The following CTNND2 variants were observed in gnomAD, a reference collection of about 807,000 sequenced individuals.
CTNND2 encodes catenin delta-2.
In CTNND2, 22 loss-of-function variants were observed where a neutral mutation model predicts 144.4. That is an observed-to-expected ratio of 0.15 (90% CI 0.11 to 0.22). The LOEUF (loss-of-function observed/expected upper bound fraction) is 0.22. Ranked by LOEUF, CTNND2 falls within the 10% of genes least tolerant of loss-of-function variation. The pLI, the probability that CTNND2 is intolerant of heterozygous loss-of-function variation, is 1.00. For synonymous variants in CTNND2, 751 were observed against 695.6 expected, an observed-to-expected ratio of 1.08 and a Z score of -1.25; for missense variants, 1,353 against 1,618.8, an observed-to-expected ratio of 0.84 and a Z score of 2.82.
At chr5:11,522,321 C>G (rs1401182542) in intron 3 of CTNND2, among the ~76,000 whole-genome samples, 4 of 152,142 alleles carry the variant, frequency 2.6e-5, no homozygotes, top group Admixed American at 6.6e-5. Context: ...CAGCCATAGC[C>G]TTGGCTTTGT....
intron 1 of CTNND2, 70 bp from the exon 2 acceptor site, chr5:11,732,342 T>A: frequency 6.8e-7 from 1 of 1,474,720 alleles, no homozygotes. Flanking sequence ...ATCAGACCAC[T>A]TTGAAGATAC....
chr5:11,448,626 A>C (rs1265599495), intron 3 of CTNND2, among the ~76,000 whole-genome samples: 1 of 152,174 alleles, frequency 6.6e-6, no homozygotes, highest in Admixed American at 6.6e-5. Context: ...AATTACTTAT[A>C]TTAAGGTATT....
chr5:11,471,296 G>A (rs890383499), intron 3 of CTNND2, among the ~76,000 whole-genome samples: 6 of 151,856 alleles, frequency 4.0e-5, no homozygotes, highest in African/African-American at 1.2e-4. Flanking sequence ...TAATTTTAAT[G>A]CATTTTCTAT....
At chr5:11,527,148 A>G (rs1279683083) in intron 3 of CTNND2, among the ~76,000 whole-genome samples, 1 of 152,180 alleles carries the variant, frequency 6.6e-6, no homozygotes, top group African/African-American at 2.4e-5. Context: ...GGATAGAGTG[A>G]TGGTTGCACA....
chr5:11,706,002 G>A (rs932948634), intron 2 of CTNND2, among the ~76,000 whole-genome samples: 1 of 152,208 alleles, frequency 6.6e-6, no homozygotes, highest in African/African-American at 2.4e-5. Context: ...AAGGAATTAT[G>A]AGTAACCTTT....
chr5:11,617,278 T>A (rs1192329375), intron 2 of CTNND2, among the ~76,000 whole-genome samples: 2 of 152,196 alleles, frequency 1.3e-5, no homozygotes, highest in Non-Finnish European at 2.9e-5. Flanking sequence ...TCTACTGACA[T>A]CATCTTCATA....
rs58056553 is a variant in CTNND2 at position 11,653,070 on chromosome 5, C to CGTGTGT, written c.174+79060_174+79065dup. 8.2e-3 allele frequency among the ~76,000 whole-genome samples: 1,184 copies of CGTGTGT among 143,558 alleles called. 8 individuals are homozygous for CGTGTGT. Among genetic ancestry groups the CGTGTGT allele is most frequent in the East Asian group, 0.022 (101 of 4,572 alleles). The allele number at this position is 143,558 out of a possible 152,430, so 94.2% of individuals were successfully genotyped here. On this transcript the variant is annotated intron_variant, in intron 2 of 21. Coordinates refer to ENST00000304623, the MANE Select transcript of CTNND2 (RefSeq NM_001332.4). ...TTCTTTTTTAAGGCTGAACAAAATTCGTGTGTGTGTGTGTGTGTGTGTGTG... is the reference window on the plus strand; with the variant it reads ...TTCTTTTTTAAGGCTGAACAAAATTCGTGTGTGTGTGTGTGTGTGTGTGTGTGTGTG...
At position 11,159,647 on chromosome 5, in the gene CTNND2, C is replaced by A. The variant is rs369131247; in HGVS notation, c.2088G>T (p.Ser696=). Residue 696 remains serine, a synonymous_variant, in exon 12 of 22, where the codon TCG becomes TCT. Transcript: ENST00000304623. The stretch of plus-strand genomic sequence containing the variant: ...GTATTTTCCGATCATCCTGAAGAGG[C>A]GAATTTTCCCAGCCTGAGTGGGGGA... The part of the protein sequence containing the change: ...VIIPHSGWEN[S]PLQDDRKIQL... 1 of 1,613,616 alleles carries A rather than the reference C, an allele frequency of 6.2e-7. No individual in the cohort carries two copies. The highest frequency in any genetic ancestry group is 8.5e-7 in the Non-Finnish European group (1 of 1,179,812).
chr5:11,150,889 G>T (rs1757704563), intron 12 of CTNND2, among the ~76,000 whole-genome samples: 1 of 152,148 alleles, frequency 6.6e-6, no homozygotes, highest in African/African-American at 2.4e-5. Context: ...GCCTCTCAAA[G>T]TGCTGAGATG....
chr5:11,600,743 G>T (rs1202065202), intron 2 of CTNND2, among the ~76,000 whole-genome samples: 6 of 151,096 alleles, frequency 4.0e-5, no homozygotes, highest in Non-Finnish European at 7.4e-5. Flanking sequence ...ACTAGCCCAG[G>T]AAATTGTATT....
chr5:11,411,569 T>A lies in CTNND2; in HGVS notation c.406A>T (p.Ile136Leu). 1.2e-6 allele frequency: 2 copies of A among 1,610,194 alleles called. No homozygotes were observed. Among genetic ancestry groups the A allele is most frequent in the South Asian group, 2.2e-5 (2 of 90,794 alleles). Residue 136 changes from isoleucine to leucine, a missense_variant, in exon 5 of 22, where the codon ATA (isoleucine) becomes TTA (leucine). Physicochemically the swap from Ile to Leu is conservative, Grantham distance 5. Coordinates refer to ENST00000304623, the MANE Select transcript of CTNND2 (RefSeq NM_001332.4). The part of the protein sequence containing the change: ...SCIRSLQESG[I>L]LDPQDYSTGE... ...GTAGAATAATCCTGTGGGTCAAGTA[T>A]TCCTGATTCCTGTAGTGACCTAATA...
At chr5:11,883,235 G>A (rs1338172367) in intron 1 of CTNND2, among the ~76,000 whole-genome samples, 1 of 152,074 alleles carries the variant, frequency 6.6e-6, no homozygotes, top group Non-Finnish European at 1.5e-5. Context: ...AGAATGTGCA[G>A]GTTAGTTACA....
chr5:11,393,820 T>C (rs193144696), intron 6 of CTNND2, among the ~76,000 whole-genome samples: 1 of 152,254 alleles, frequency 6.6e-6, no homozygotes, highest in East Asian at 1.9e-4. Flanking sequence ...GACAGAGTAA[T>C]GTTTTTAACA....
chr5:11,483,928 C>T (rs568426928), intron 3 of CTNND2, among the ~76,000 whole-genome samples: 1 of 152,296 alleles, frequency 6.6e-6, no homozygotes, highest in South Asian at 2.1e-4. Context: ...TTGGGATAGA[C>T]AAGTGACTCA....
At chr5:11,612,589 G>A (rs1007134094) in intron 2 of CTNND2, among the ~76,000 whole-genome samples, 6 of 152,082 alleles carry the variant, frequency 3.9e-5, no homozygotes, top group Non-Finnish European at 5.9e-5. Flanking sequence ...CTAATACTAC[G>A]ATGCTTACTA....
At chr5:11,059,459 G>C (rs943949388) in intron 16 of CTNND2, among the ~76,000 whole-genome samples, 1 of 152,162 alleles carries the variant, frequency 6.6e-6, no homozygotes, top group Non-Finnish European at 1.5e-5. Context: ...ATGATTGTTA[G>C]GCCTCCCCAG....
At chr5:11,152,417 C>G (rs1757822023) in intron 12 of CTNND2, among the ~76,000 whole-genome samples, 1 of 152,170 alleles carries the variant, frequency 6.6e-6, no homozygotes, top group Admixed American at 6.5e-5. Flanking sequence ...AACCTAGGAG[C>G]AATAGACATA....
At chr5:11,285,415 A>T (rs1199232582) in intron 9 of CTNND2, among the ~76,000 whole-genome samples, 1 of 152,206 alleles carries the variant, frequency 6.6e-6, no homozygotes, top group Non-Finnish European at 1.5e-5. Flanking sequence ...CACAAGCCCC[A>T]GTCTAAAAGT....
At chr5:11,074,324 TCA>T (rs1235924146) in intron 16 of CTNND2, among the ~76,000 whole-genome samples, 1 of 152,212 alleles carries the variant, frequency 6.6e-6, no homozygotes, top group Non-Finnish European at 1.5e-5. Context: ...CCTCTGTTTC[TCA>T]GTTTCGCCAG....
Sources: allele counts gnomAD v4.1 joint callset (sites outside exome capture counted in the v4.1 genomes callset), GRCh38; gene constraint gnomAD v4.1.1; transcripts MANE v1.5; gene names NCBI Gene and HGNC (gene_info 2026-07-23, HGNC 2026-07-21).